DHX57: variants seen among roughly 807,000 people sequenced by gnomAD.
The protein encoded by DHX57 is putative ATP-dependent RNA helicase DHX57.
In DHX57, 105 loss-of-function variants were observed where a neutral mutation model predicts 156.2. The ratio of observed to expected loss-of-function variants is 0.67; its 90% CI spans 0.57 to 0.79. The LOEUF is 0.79. DHX57 is among the 30% of genes least tolerant of loss of function. The probability of loss-of-function intolerance (pLI) is 0.00; values close to 1 mark genes in which losing one functional copy is unlikely to be tolerated. For synonymous variants in DHX57, 704 were observed against 595.6 expected (o/e 1.18, Z -2.65); for missense variants, 1,847 against 1,661.9 (o/e 1.11, Z -1.94).
At chr2:38,836,599 C>T (rs1671670389) in intron 13 of DHX57, among the ~76,000 whole-genome samples, 1 of 151,790 alleles carries the variant, frequency 6.6e-6, no homozygotes, top group South Asian at 2.1e-4. Flanking sequence ...CATGGCAAAA[C>T]CCTGTCTCTA....
intron 1 of DHX57, among the ~76,000 whole-genome samples, chr2:38,869,176 T>C (rs923460408): frequency 6.6e-6 from 1 of 152,236 alleles, no homozygotes; most frequent in Non-Finnish European, 1.5e-5. Flanking sequence ...TTTAAATTTA[T>C]ATATGCTCTA....
At chr2:38,816,290 C>T (rs970167698) in intron 19 of DHX57, 50 of 455,274 alleles carry the variant, frequency 1.1e-4, no homozygotes, top group Non-Finnish European at 1.9e-4. Context: ...TCTTGGCTTT[C>T]TGCAACCTCT....
rs1180060112 is a variant in DHX57, at chr2:38,854,556, G to GTT, written c.1906-380_1906-379dup. On this transcript the variant is annotated intron_variant, in intron 8 of 23. Coordinates refer to ENST00000457308, the MANE Select transcript of DHX57 (RefSeq NM_198963.3). ...GGAAATTTAGTACAACCAAATAAGA[G>GTT]TTTTTTTTTTTTTTTTTTTTTTGAG... 3.1e-3 allele frequency: 405 copies of GTT among 132,556 alleles called. 1 individual carries two copies. The highest frequency in any genetic ancestry group is 8.5e-3 in the African/African-American group (299 of 35,028). 8.2% of individuals were successfully genotyped at this position (132,556 alleles called of 1,614,324 possible).
Position 38,861,791 on chromosome 2 carries a change from C to T in DHX57, c.619G>A (p.Asp207Asn). 1 of 1,613,670 alleles carries T rather than the reference C, an allele frequency of 6.2e-7. No homozygotes were observed. Among genetic ancestry groups the T allele is most frequent in the Non-Finnish European group, 8.5e-7 (1 of 1,179,786 alleles). ...TCTAGTGATGCTCCCACATCTCCAT[C>T]ACACATCCTCAGGACCGCTTGACAG... ...ERCQAVLRMC[D>N]GDVGASLEHL... The change falls in exon 5 of 24, where the codon GAT becomes AAT. Residue 207 changes from aspartate to asparagine, a missense_variant. Physicochemically the swap from Asp to Asn is conservative, Grantham distance 23 (BLOSUM62 1). Transcript: ENST00000457308.
chr2:38,846,022 T>C (rs1672265553), intron 11 of DHX57, among the ~76,000 whole-genome samples: 1 of 152,046 alleles, frequency 6.6e-6, no homozygotes, highest in South Asian at 2.1e-4. Context: ...TGCACCACCA[T>C]GCCCAGCTAA....
In DHX57 at chr2:38,861,684, A is replaced by C. The variant is rs1558403066; in HGVS notation, c.726T>G (p.Asp242Glu). The C allele has an allele frequency of 6.2e-7, 1 of 1,614,122 alleles. No individual in the cohort carries two copies. Among genetic ancestry groups the C allele is most frequent in the Admixed American group, 1.7e-5 (1 of 60,014 alleles). The change falls in exon 5 of 24, where the codon GAT becomes GAG. Residue 242 changes from aspartate to glutamate, a missense_variant. Coordinates refer to ENST00000457308, the MANE Select transcript of DHX57 (RefSeq NM_198963.3). ...ISEAVNQISL[D>E]ECMEQRQEEA... ...CTTCCTGTCGCTGTTCCATACACTC[A>C]TCCAAGCTTATCTGGTTGACTGCCT...
chr2:38,805,908 G>A (rs1669913478), intron 22 of DHX57, among the ~76,000 whole-genome samples: 2 of 152,116 alleles, frequency 1.3e-5, no homozygotes. Flanking sequence ...TGGTGGTTCA[G>A]GAAGAGGGCA....
At chr2:38,809,930 G>A (rs1314720060) in intron 21 of DHX57, among the ~76,000 whole-genome samples, 1 of 151,760 alleles carries the variant, frequency 6.6e-6, no homozygotes, top group Admixed American at 6.6e-5. Context: ...GTCATGTTCT[G>A]TAGCCCAGGA....
At chr2:38,826,960 G>A (rs544073797) in intron 14 of DHX57, among the ~76,000 whole-genome samples, 6 of 151,946 alleles carry the variant, frequency 3.9e-5, no homozygotes, top group African/African-American at 1.2e-4. Flanking sequence ...GTGAAACCTC[G>A]TCTCTACTAA....
chr2:38,801,432 C>T (rs530706561), intron 23 of DHX57, among the ~76,000 whole-genome samples: 13 of 142,928 alleles, frequency 9.1e-5, no homozygotes, highest in Non-Finnish European at 1.6e-4. Flanking sequence ...TTATTTGAGA[C>T]GGAGTCTCAT....
At chr2:38,857,308 TA>T (rs1422630880) in intron 6 of DHX57, among the ~76,000 whole-genome samples, 1 of 152,218 alleles carries the variant, frequency 6.6e-6, no homozygotes, top group Non-Finnish European at 1.5e-5. Flanking sequence ...ACTAAAGGGT[TA>T]TTTTTGGGCA....
At chr2:38,859,876 C>T (rs1673098685) in intron 5 of DHX57, among the ~76,000 whole-genome samples, 1 of 149,584 alleles carries the variant, frequency 6.7e-6, no homozygotes, top group Non-Finnish European at 1.5e-5. Context: ...GGCCGAAATG[C>T]AATGACTCAC....
chr2:38,808,414 T>A (rs1427975503), intron 21 of DHX57, among the ~76,000 whole-genome samples: 1 of 152,212 alleles, frequency 6.6e-6, no homozygotes, highest in Non-Finnish European at 1.5e-5. Context: ...TTTTATAGCC[T>A]ACTTTTTTAA....
At chr2:38,857,615 G>A (rs3112163) in intron 6 of DHX57, among the ~76,000 whole-genome samples, 44,547 of 152,050 alleles carry the variant, frequency 0.29, 7,011 homozygotes, top group Admixed American at 0.35. Context: ...CAGAACTTTA[G>A]AACTGGAGGG....
chr2:38,856,171 G>A (rs949443090), intron 7 of DHX57, among the ~76,000 whole-genome samples, 169 bp downstream of exon 7: 3 of 152,262 alleles, frequency 2.0e-5, no homozygotes, highest in African/African-American at 4.8e-5. Context: ...TTAAACATGA[G>A]CCTTGTTAAA....
At chr2:38,866,320 T>C (rs1477389800) in intron 2 of DHX57, among the ~76,000 whole-genome samples, 1 of 152,182 alleles carries the variant, frequency 6.6e-6, no homozygotes, top group East Asian at 1.9e-4. Context: ...CACATGGTTC[T>C]TTGCTATTTC....
intron 19 of DHX57, 30 bp from the exon 20 acceptor site, chr2:38,815,685 G>T (rs771242640): frequency 6.2e-7 from 1 of 1,613,538 alleles, no homozygotes; most frequent in Non-Finnish European, 8.5e-7. Flanking sequence ...CTTTAAGCAA[G>T]GGCATCAGCA....
In DHX57 at chr2:38,854,169, T is replaced by C. The variant is rs1672760238; in HGVS notation, c.1915A>G (p.Thr639Ala). ...IRLESVKSSA[T>A]RLLYCTTGVL... Reference sequence around the variant, plus strand: ...CCCGTGGTGCAGTATAACAGTCTGGTGGCTGAGGACTTACACATGAAAGGG... The same window carrying C: ...CCCGTGGTGCAGTATAACAGTCTGGCGGCTGAGGACTTACACATGAAAGGG... The change falls in exon 9 of 24, where the codon ACC (threonine) becomes GCC (alanine). Residue 639 changes from threonine (T) to alanine (A), a missense_variant. By Grantham distance (58) the Thr-to-Ala change is moderately conservative (BLOSUM62 0). Coordinates refer to ENST00000457308, the MANE Select transcript of DHX57 (RefSeq NM_198963.3). 6.2e-7 allele frequency: 1 copy of C among 1,613,778 alleles called. No homozygotes were observed. Among genetic ancestry groups the C allele is most frequent in the African/African-American group, 1.3e-5 (1 of 74,916 alleles).
At chr2:38,872,231 C>T (rs1363055456) in intron 1 of DHX57, among the ~76,000 whole-genome samples, 3 of 152,122 alleles carry the variant, frequency 2.0e-5, no homozygotes, top group East Asian at 1.9e-4. Flanking sequence ...TGTTCATAAA[C>T]CCCAAAGCAA....
Sources: allele counts gnomAD v4.1 joint callset (sites outside exome capture counted in the v4.1 genomes callset), GRCh38; gene constraint gnomAD v4.1.1; transcripts MANE v1.5; gene names NCBI Gene and HGNC (gene_info 2026-07-23, HGNC 2026-07-21).